Variants in TRARG1 observed in about 807,000 individuals in gnomAD.
TRARG1 encodes the protein trafficking regulator of GLUT4 1.
In TRARG1, 16 loss-of-function variants were observed where a neutral mutation model predicts 13.3. The ratio of observed to expected loss-of-function variants is 1.20; its 90% CI spans 0.81 to 1.83. The LOEUF (loss-of-function observed/expected upper bound fraction) is 1.83, where lower values mean the gene tolerates loss of function less well. Among genes scored for constraint, TRARG1 ranks in the 40% most tolerant of loss-of-function variants. The pLI is 0.00. For missense variants in TRARG1, 250 were observed against 237.4 expected (o/e 1.05, Z -0.35); for synonymous variants, 113 against 106.2 (o/e 1.06, Z -0.39).
intron 1 of TRARG1, 86 bp downstream of exon 1, chr17:1,280,474 A>G (rs2071965549): frequency 7.3e-7 from 1 of 1,361,088 alleles, no homozygotes; most frequent in Non-Finnish European, 9.9e-7. Context: ...AACACTGCCC[A>G]GGGTGTGGAG....
chr17:1,282,155 C>A (rs2071981738), intron 1 of TRARG1, among the ~76,000 whole-genome samples: 1 of 139,430 alleles, frequency 7.2e-6, no homozygotes, highest in South Asian at 2.1e-4. Context: ...TACGTATACA[C>A]GTGCATATAT....
chr17:1,295,653 G>T, intron 2 of TRARG1, 30 bp downstream of exon 2: 1 of 1,595,858 alleles, frequency 6.3e-7, no homozygotes. Flanking sequence ...AGAGGAGGAA[G>T]CCAGCTTGCC....
intron 1 of TRARG1, among the ~76,000 whole-genome samples, chr17:1,282,821 C>T (rs1435194334): frequency 6.6e-6 from 1 of 152,098 alleles, no homozygotes; most frequent in Non-Finnish European, 1.5e-5. Flanking sequence ...TCCCAAGTAG[C>T]TGGCATTACA....
At chr17:1,297,340 C>T (rs757819240) in intron 2 of TRARG1, among the ~76,000 whole-genome samples, 10 of 152,044 alleles carry the variant, frequency 6.6e-5, no homozygotes, top group East Asian at 1.9e-4. Flanking sequence ...GCTGTGGGGC[C>T]GCCAGCAACC....
At chr17:1,292,650 T>C (rs1209047995) in intron 1 of TRARG1, among the ~76,000 whole-genome samples, 2 of 152,250 alleles carry the variant, frequency 1.3e-5, no homozygotes, top group Non-Finnish European at 2.9e-5. Flanking sequence ...GGGATACTCC[T>C]TCCTTTGGAA....
intron 1 of TRARG1, among the ~76,000 whole-genome samples, chr17:1,286,496 T>C (rs2072023692): frequency 1.4e-5 from 2 of 146,546 alleles, no homozygotes; most frequent in South Asian, 4.5e-4. Flanking sequence ...GGGGTGTTTT[T>C]ATCAGCCTGT....
At chr17:1,286,494 T>G (rs113672338) in intron 1 of TRARG1, among the ~76,000 whole-genome samples, 449 of 92,210 alleles carry the variant, frequency 4.9e-3, no homozygotes, top group African/African-American at 0.014. Context: ...GTGGGGTGTT[T>G]TTATCAGCCT....
intron 1 of TRARG1, among the ~76,000 whole-genome samples, chr17:1,284,723 C>T (rs897572295): frequency 5.3e-5 from 8 of 152,084 alleles, no homozygotes; most frequent in African/African-American, 1.9e-4. Flanking sequence ...CTCTGTCGCC[C>T]AGGCTGGAGT....
chr17:1,288,568 C>A (rs1456205624), intron 1 of TRARG1, among the ~76,000 whole-genome samples: 1 of 86,670 alleles, frequency 1.2e-5, no homozygotes, highest in Non-Finnish European at 2.3e-5. Flanking sequence ...CAATGGGTTC[C>A]CCATCCCCCA....
At chr17:1,293,030 G>C (rs1276267515) in intron 1 of TRARG1, among the ~76,000 whole-genome samples, 2 of 152,142 alleles carry the variant, frequency 1.3e-5, no homozygotes, top group African/African-American at 4.8e-5. Flanking sequence ...ACTCACACCT[G>C]TACTCCCAGC....
At chr17:1,282,265 C>CGT (rs2071986032) in intron 1 of TRARG1, among the ~76,000 whole-genome samples, 2 of 54,020 alleles carry the variant, frequency 3.7e-5, no homozygotes, top group East Asian at 1.2e-3. Flanking sequence ...CGTATATGTA[C>CGT]ATATATGCAC....
At chr17:1,290,214 T>C (rs1262244313) in intron 1 of TRARG1, among the ~76,000 whole-genome samples, 1 of 152,218 alleles carries the variant, frequency 6.6e-6, no homozygotes, top group East Asian at 1.9e-4. Flanking sequence ...GCAAATCTGA[T>C]CCTGTCCCAA....
At chr17:1,280,497 G>T in intron 1 of TRARG1, 109 bp downstream of exon 1, 1 of 1,228,762 alleles carries the variant, frequency 8.1e-7, no homozygotes, top group East Asian at 2.4e-5. Context: ...GAGAGAGCTG[G>T]GAGTGGGGGG....
chr17:1,286,532 T>C (rs1165003133), intron 1 of TRARG1, among the ~76,000 whole-genome samples: 1 of 141,588 alleles, frequency 7.1e-6, no homozygotes, highest in Admixed American at 7.0e-5. Flanking sequence ...TGTGGGGTGT[T>C]GTTGGCCTGT....
At chr17:1,290,960 C>A (rs1010870167) in intron 1 of TRARG1, among the ~76,000 whole-genome samples, 1 of 150,044 alleles carries the variant, frequency 6.7e-6, no homozygotes, top group Non-Finnish European at 1.5e-5. Context: ...GGCTGGAGGG[C>A]AGTGGCACAG....
At chr17:1,280,469 T>C in intron 1 of TRARG1, 81 bp downstream of exon 1, 1 of 1,387,380 alleles carries the variant, frequency 7.2e-7, no homozygotes, top group East Asian at 2.3e-5. Context: ...CACCAAACAC[T>C]GCCCAGGGTG....
chr17:1,292,947 G>A (rs973765004), intron 1 of TRARG1, among the ~76,000 whole-genome samples: 3 of 152,142 alleles, frequency 2.0e-5, no homozygotes, highest in Non-Finnish European at 2.9e-5. Flanking sequence ...AATCGGGGGC[G>A]TGGGGAGAGG....
chr17:1,296,937 G>T (rs567872968), intron 2 of TRARG1, among the ~76,000 whole-genome samples: 1 of 152,068 alleles, frequency 6.6e-6, no homozygotes, highest in African/African-American at 2.4e-5. Context: ...GAGCCACCGC[G>T]CCTGGCCCAG....
At chr17:1,282,077 CAT>C (rs1491456384) in intron 1 of TRARG1, among the ~76,000 whole-genome samples, 1 of 150,538 alleles carries the variant, frequency 6.6e-6, no homozygotes, top group Admixed American at 6.6e-5. Flanking sequence ...CACATATATA[CAT>C]ATATGTACAT....
Sources: gnomAD v4.1 joint callset for allele counts (sites outside exome capture counted in the v4.1 genomes callset) on GRCh38, gnomAD v4.1.1 for gene constraint, MANE v1.5 for transcripts, NCBI Gene and HGNC (gene_info 2026-07-23, HGNC 2026-07-21) for gene names.